RELB: variants seen among roughly 807,000 people sequenced by gnomAD.
The protein encoded by RELB is transcription factor RelB.
Under a neutral mutation model 55.4 loss-of-function variants are expected in RELB, and 14 were observed. That is an observed-to-expected ratio of 0.25 (90% CI 0.17 to 0.40). The LOEUF (loss-of-function observed/expected upper bound fraction) is 0.40, where lower values mean the gene tolerates loss of function less well. Ranked by LOEUF, RELB falls within the 10% of genes least tolerant of loss-of-function variation. RELB has a pLI of 1.00. For missense variants in RELB, 669 were observed against 830.7 expected (o/e 0.81, Z 2.39); for synonymous variants, 409 against 371.3 (o/e 1.10, Z -1.17).
chr19:45,011,541 C>T lies in RELB; in HGVS notation c.164-395C>T, dbSNP rs1971351137. ...TCACGATCTTGACTTACTGCAGTGT[C>T]CGCCTCCTGGGTTCAAGCTGTTCTC... On this transcript the variant is annotated intron_variant, in intron 3 of 11. Transcript: ENST00000221452. Among the ~76,000 whole-genome samples, 4 of 151,928 alleles carry T rather than the reference C, an allele frequency of 2.6e-5. No individual in the cohort carries two copies. In the South Asian group the frequency reaches 8.3e-4, roughly 31 times the overall value.
intron 9 of RELB, 69 bp from the exon 10 acceptor site, chr19:45,034,175 T>C: frequency 1.7e-6 from 2 of 1,155,972 alleles, no homozygotes; most frequent in Admixed American, 2.1e-5. Flanking sequence ...AATAAATAAA[T>C]AAATAAATAA....
chr19:45,009,920 G>A, intron 3 of RELB, 98 bp downstream of exon 3: 1 of 1,182,108 alleles, frequency 8.5e-7, no homozygotes, highest in Middle Eastern at 2.1e-4. Context: ...TGGGGGAGAG[G>A]TGTCACTGTG....
intron 7 of RELB, 86 bp from the exon 8 acceptor site, chr19:45,028,802 G>A: frequency 7.5e-6 from 8 of 1,067,946 alleles, no homozygotes; most frequent in South Asian, 1.4e-5. Flanking sequence ...CCCCGGGGAT[G>A]GCACCCACTG....
At chr19:45,006,223 G>A in intron 2 of RELB, among the ~76,000 whole-genome samples, 1 of 152,006 alleles carries the variant, frequency 6.6e-6, no homozygotes, top group East Asian at 1.9e-4. Context: ...TTTGTTTTTG[G>A]AGGCAGAGTC....
At chr19:45,003,607 T>C (rs1381551128) in intron 2 of RELB, 1 of 517,790 alleles carries the variant, frequency 1.9e-6, no homozygotes, top group East Asian at 5.5e-5. Context: ...GGAGCTGGGG[T>C]TTACATACTG....
In RELB at chr19:45,034,113, C is replaced by T. The variant is rs578172337; in HGVS notation, c.1208-131C>T. On this transcript the variant is annotated intron_variant, in intron 9 of 11. Transcript: ENST00000221452. ...GGCAGAGGTTGCAGTGAGCCAAGAC[C>T]GTGCCACTGCACTCCAGCCTGGTCA... 162 of 598,870 alleles carry T rather than the reference C, an allele frequency of 2.7e-4. No individual in the cohort carries two copies. The African/African-American group carries it at 2.8e-3, about 10-fold the overall frequency. 37.1% of individuals were successfully genotyped at this position (598,870 alleles called of 1,614,324 possible). A position where few individuals can be genotyped will look rare whatever the true frequency, so the allele number is the denominator to read the frequency against.
At position 45,034,454 on chromosome 19, in the gene RELB, C is replaced by G; in HGVS notation, c.1280C>G (p.Pro427Arg). Reference sequence around the variant, plus strand: ...CCTCATCTCTGCCTTCCCTCAGACCCCCATGGCATCGAGAGCAAACGGCGG... The same window carrying G: ...CCTCATCTCTGCCTTCCCTCAGACCGCCATGGCATCGAGAGCAAACGGCGG... Reference protein sequence around the residue: ...DVLGELNSSDPHGIESKRRKK... With the variant: ...DVLGELNSSDRHGIESKRRKK... Residue 427 changes from proline to arginine, a missense_variant, in exon 11 of 12, where the codon CCC (proline) becomes CGC (arginine). By Grantham distance (103) the Pro-to-Arg change is moderately radical (BLOSUM62 -2). Transcript: ENST00000221452. 2 of 1,612,142 alleles carry G rather than the reference C, an allele frequency of 1.2e-6. No homozygotes were observed. Among genetic ancestry groups the G allele is most frequent in the Non-Finnish European group, 1.7e-6 (2 of 1,179,128 alleles).
chr19:45,022,942 T>C (rs1370259133), intron 5 of RELB, among the ~76,000 whole-genome samples: 1 of 152,144 alleles, frequency 6.6e-6, no homozygotes, highest in East Asian at 1.9e-4. Flanking sequence ...ATCTAAAACT[T>C]TGAGCATTTT....
chr19:45,030,004 C>T (rs976166014), intron 8 of RELB, among the ~76,000 whole-genome samples: 2 of 151,852 alleles, frequency 1.3e-5, no homozygotes, highest in Non-Finnish European at 2.9e-5. Context: ...CCTGTCTCTA[C>T]AAAAAATAAA....
intron 2 of RELB, among the ~76,000 whole-genome samples, chr19:45,009,280 C>T (rs1409316801): frequency 6.6e-6 from 1 of 152,096 alleles, no homozygotes; most frequent in Non-Finnish European, 1.5e-5. Context: ...GGGGTTTCGC[C>T]ATGTTGGCCA....
intron 2 of RELB, among the ~76,000 whole-genome samples, chr19:45,004,285 C>A (rs1002364369): frequency 1.4e-5 from 2 of 146,170 alleles, no homozygotes; most frequent in African/African-American, 5.1e-5. Context: ...TACAATGGCG[C>A]GATCTCGGCT....
Position 45,037,752 on chromosome 19 carries a change from G to A in RELB, c.1702G>A (p.Gly568Arg). The A allele has an allele frequency of 6.7e-7, 1 of 1,487,324 alleles. No individual in the cohort carries two copies. Among genetic ancestry groups the A allele is most frequent in the Non-Finnish European group, 8.9e-7 (1 of 1,121,464 alleles). 92.1% of individuals were successfully genotyped at this position (1,487,324 alleles called of 1,614,324 possible). A position where few individuals can be genotyped will look rare whatever the true frequency, so the allele number is the denominator to read the frequency against. Residue 568 changes from glycine to arginine, a missense_variant, in exon 12 of 12, where the codon GGG becomes AGG. By Grantham distance (125) the Gly-to-Arg change is moderately radical. Around this residue, in one of 3 missense-constraint regions of RELB, gnomAD observed 341 missense variants for 436.8 expected, o/e 0.78. Coordinates refer to ENST00000221452, the MANE Select transcript of RELB (RefSeq NM_006509.4). ...CAATCATTACCGCGAGGCGGCCTTTGGGGGCGGCCTCCTATCCCCGGGGCC... is the reference window on the plus strand; with the variant it reads ...CAATCATTACCGCGAGGCGGCCTTTAGGGGCGGCCTCCTATCCCCGGGGCC... The part of the protein sequence containing the change: ...FPNHYREAAF[G>R]GGLLSPGPEA...
At position 45,037,629 on chromosome 19, in the gene RELB, G is replaced by A. The variant is rs1284360134; in HGVS notation, c.1579G>A (p.Glu527Lys). 1.9e-6 allele frequency: 3 copies of A among 1,601,862 alleles called. No individual in the cohort carries two copies. The South Asian group carries it at 3.3e-5, about 18-fold the overall frequency. ...CSGGAGAVVGETPGPEPLTLD... is the reference protein window; with the variant it reads ...CSGGAGAVVGKTPGPEPLTLD... ...CGGAGGTGCCGGGGCCGTGGTTGGGGAGACCCCCGGCCCTGAACCACTGAC... is the reference window on the plus strand; with the variant it reads ...CGGAGGTGCCGGGGCCGTGGTTGGGAAGACCCCCGGCCCTGAACCACTGAC... The change falls in exon 12 of 12, where the codon GAG becomes AAG. Residue 527 changes from glutamate to lysine, a missense_variant. Coordinates refer to ENST00000221452, the MANE Select transcript of RELB (RefSeq NM_006509.4).
chr19:45,034,741 C>T (rs1245386498), intron 11 of RELB, among the ~76,000 whole-genome samples: 1 of 152,140 alleles, frequency 6.6e-6, no homozygotes, highest in Admixed American at 6.6e-5. Context: ...ATGTGAACTT[C>T]ATTAAGTTGT....
chr19:45,034,027 C>T (rs765848722), intron 9 of RELB, among the ~76,000 whole-genome samples: 6 of 151,630 alleles, frequency 4.0e-5, no homozygotes, highest in Non-Finnish European at 8.8e-5. Context: ...GGCGTGGTGG[C>T]GCACACCTGT....
Position 45,025,685 on chromosome 19 carries a change from G to A in RELB, c.834G>A (p.Gln278=), listed in dbSNP as rs1485974739. The part of the protein sequence containing the change: ...ICFQASYRDQ[Q]GQMRRMDPVL... ...TCCAGGCCTCATATCGGGACCAGCA[G>A]GGACAGATGCGCCGGATGGATCCTG... is the stretch of plus-strand genomic sequence containing the variant. Residue 278 remains glutamine (Q), a synonymous_variant, in exon 7 of 12, where the codon CAG becomes CAA. Coordinates refer to ENST00000221452, the MANE Select transcript of RELB (RefSeq NM_006509.4). The A allele has an allele frequency of 6.2e-7, 1 of 1,614,028 alleles. No individual in the cohort carries two copies. Among genetic ancestry groups the A allele is most frequent in the South Asian group, 1.1e-5 (1 of 91,084 alleles).
At chr19:45,020,158 C>T in intron 4 of RELB, among the ~76,000 whole-genome samples, 1 of 151,946 alleles carries the variant, frequency 6.6e-6, no homozygotes, top group East Asian at 1.9e-4. Flanking sequence ...GTAGTTTACA[C>T]AGTGTAACTA....
Position 45,037,766 on chromosome 19 carries a change from A to G in RELB, c.1716A>G (p.Leu572=). 1 of 1,487,840 alleles carries G rather than the reference A, an allele frequency of 6.7e-7. No homozygotes were observed. The highest frequency in any genetic ancestry group is 2.5e-5 in the Admixed American group (1 of 40,166). 92.2% of individuals were successfully genotyped at this position (1,487,840 alleles called of 1,614,324 possible). ...AGGCGGCCTTTGGGGGCGGCCTCCT[A>G]TCCCCGGGGCCTGAAGCCACGTAGC... The part of the protein sequence containing the change: ...YREAAFGGGL[L]SPGPEAT The change falls in exon 12 of 12, where the codon CTA becomes CTG. Residue 572 remains leucine, a synonymous_variant. Transcript: ENST00000221452.
At chr19:45,004,072 G>T (rs1043517219) in intron 2 of RELB, among the ~76,000 whole-genome samples, 1 of 151,030 alleles carries the variant, frequency 6.6e-6, no homozygotes, top group Admixed American at 6.6e-5. Context: ...ACAGGCACCC[G>T]CCACCACAAC....
Sources: gnomAD v4.1 joint callset for allele counts (sites outside exome capture counted in the v4.1 genomes callset) on GRCh38, gnomAD v4.1.1 for gene constraint, gnomAD v4.1.1 regional missense constraint, MANE v1.5 for transcripts, NCBI Gene and HGNC (gene_info 2026-07-23, HGNC 2026-07-21) for gene names.